ZNF385D: variants seen among roughly 807,000 people sequenced by gnomAD.
ZNF385D encodes zinc finger protein 385D.
In ZNF385D, 15 loss-of-function variants were observed where a neutral mutation model predicts 35.8. The observed-to-expected ratio is 0.42, with a 90% CI of 0.28 to 0.64. The LOEUF (loss-of-function observed/expected upper bound fraction) is 0.64, where lower values mean the gene tolerates loss of function less well. Among genes scored for constraint, ZNF385D ranks in the 30% least tolerant of loss-of-function variants. The pLI, the probability that ZNF385D is intolerant of heterozygous loss-of-function variation, is 0.23. For synonymous variants in ZNF385D, 212 were observed against 186.8 expected (o/e 1.13, Z -1.10); for missense variants, 474 against 494.6 (o/e 0.96, Z 0.39).
In ZNF385D at chr3:21,655,148, T is replaced by C. The variant is rs531361339; in HGVS notation, c.165+9738A>G. Reference sequence around the variant, plus strand: ...CAACAACAAAATGCTTATTAAGGCTTCAACACCAGAGATTCTGGTTCAATA... The same window carrying C: ...CAACAACAAAATGCTTATTAAGGCTCCAACACCAGAGATTCTGGTTCAATA... On this transcript the variant is annotated intron_variant, in intron 2 of 7. Coordinates refer to ENST00000281523, the MANE Select transcript of ZNF385D (RefSeq NM_024697.3). Among the ~76,000 whole-genome samples the C allele has an allele frequency of 9.9e-5, 15 of 152,102 alleles. No individual in the cohort carries two copies. The South Asian group carries it at 3.1e-3, about 32-fold the overall frequency.
At chr3:21,506,962 T>G (rs970247640) in intron 4 of ZNF385D, among the ~76,000 whole-genome samples, 1 of 151,318 alleles carries the variant, frequency 6.6e-6, no homozygotes, top group Non-Finnish European at 1.5e-5. Context: ...CTGGCATAAT[T>G]AGAGAAAAAG....
intron 2 of ZNF385D, among the ~76,000 whole-genome samples, chr3:22,242,766 T>C (rs989411705): frequency 6.6e-6 from 1 of 151,182 alleles, no homozygotes; most frequent in African/African-American, 2.4e-5. Context: ...ATACCAATTT[T>C]AATATTTTAG....
At chr3:21,600,881 AAT>A (rs1553621031) in intron 2 of ZNF385D, among the ~76,000 whole-genome samples, 1 of 54,266 alleles carries the variant, frequency 1.8e-5, no homozygotes, top group Non-Finnish European at 3.5e-5. Flanking sequence ...ATTTAAAAAT[AAT>A]AAGTCAAAGG....
chr3:22,204,243 C>T (rs1179790588), intron 2 of ZNF385D, among the ~76,000 whole-genome samples: 1 of 152,018 alleles, frequency 6.6e-6, no homozygotes, highest in Non-Finnish European at 1.5e-5. Context: ...CCAAGATCAC[C>T]AAGACAGTAC....
intron 2 of ZNF385D, among the ~76,000 whole-genome samples, chr3:21,656,638 T>C (rs2066079705): frequency 1.3e-5 from 2 of 151,818 alleles, no homozygotes; most frequent in South Asian, 4.2e-4. Context: ...ATATGAAAAT[T>C]TGAGGGACAC....
intron 2 of ZNF385D, among the ~76,000 whole-genome samples, chr3:21,569,683 T>C (rs1249546581): frequency 6.6e-6 from 1 of 151,858 alleles, no homozygotes; most frequent in East Asian, 1.9e-4. Context: ...TTTGGCATGA[T>C]TTTGCAGCGG....
intron 3 of ZNF385D, among the ~76,000 whole-genome samples, chr3:22,084,611 C>T (rs1461672069): frequency 6.6e-6 from 1 of 152,150 alleles, no homozygotes; most frequent in Non-Finnish European, 1.5e-5. Flanking sequence ...GAGACTTAGA[C>T]TCCCACAAAA....
At chr3:22,129,772 C>T (rs1703665078) in intron 3 of ZNF385D, among the ~76,000 whole-genome samples, 1 of 152,172 alleles carries the variant, frequency 6.6e-6, no homozygotes, top group Admixed American at 6.6e-5. Flanking sequence ...TCTCCAGGAG[C>T]TAAAGCCTGG....
chr3:22,132,720 A>G lies in ZNF385D; in HGVS notation c.325+36097T>C, dbSNP rs916753793. 1.1e-4 allele frequency among the ~76,000 whole-genome samples: 16 copies of G among 152,140 alleles called. 1 individual carries two copies. Among genetic ancestry groups the G allele is most frequent in the Non-Finnish European group, 2.2e-4 (15 of 67,998 alleles). On this transcript the variant is annotated intron_variant, in intron 3 of 5. Transcript: ENST00000494108. ...CAGATTGTTTAAAGATCTAGTGCAT[A>G]AGAGATAGTAATATTATAAATACTT...
intron 4 of ZNF385D, among the ~76,000 whole-genome samples, chr3:21,466,714 G>T (rs992444604): frequency 6.6e-6 from 1 of 152,112 alleles, no homozygotes; most frequent in Admixed American, 6.5e-5. Flanking sequence ...TAAAAAAAAT[G>T]AAAAGCTAGT....
At chr3:21,956,316 T>C (rs1267138333) in intron 3 of ZNF385D, among the ~76,000 whole-genome samples, 8 of 152,072 alleles carry the variant, frequency 5.3e-5, no homozygotes, top group Non-Finnish European at 1.0e-4. Context: ...CCACCTGCTG[T>C]ATAGGGGCTT....
Position 22,215,369 on chromosome 3 carries a change from G to A in ZNF385D, c.107-46334C>T, listed in dbSNP as rs142076509. On this transcript the variant is annotated intron_variant, in intron 2 of 5. Transcript: ENST00000494108. ...TTCAAAAGCAAATAGGAGAAATATCGCTGAATTCTTTTTCTCAGCAAGGAA... is the reference window on the plus strand; with the variant it reads ...TTCAAAAGCAAATAGGAGAAATATCACTGAATTCTTTTTCTCAGCAAGGAA... 7.1e-3 allele frequency among the ~76,000 whole-genome samples: 1,081 copies of A among 152,066 alleles called. 13 individuals are homozygous for A. Among genetic ancestry groups the A allele is most frequent in the African/African-American group, 0.024 (1,001 of 41,498 alleles).
Position 21,437,099 on chromosome 3 carries a change from T to C in ZNF385D, c.544A>G (p.Thr182Ala), listed in dbSNP as rs1186323691. ...EITSKVEKSP[T>A]TATGNSSCPS... is the part of the protein sequence containing the mutation. ...CATGAGCTATTGCCAGTGGCTGTCGTTGGGCTTTTTTCCACTTTAGAGGTG... is the reference window on the plus strand; with the variant it reads ...CATGAGCTATTGCCAGTGGCTGTCGCTGGGCTTTTTTCCACTTTAGAGGTG... The change falls in exon 5 of 8, where the codon ACG becomes GCG. Residue 182 changes from threonine (T) to alanine (A), a missense_variant. Thr to Ala is a moderately conservative substitution (Grantham distance 58). Transcript: ENST00000281523. 5 of 1,613,988 alleles carry C rather than the reference T, an allele frequency of 3.1e-6. No individual in the cohort carries two copies. Among genetic ancestry groups the C allele is most frequent in the South Asian group, 1.1e-5 (1 of 91,084 alleles).
intron 1 of ZNF385D, among the ~76,000 whole-genome samples, chr3:21,713,603 G>T (rs148132174): frequency 3.3e-5 from 5 of 152,144 alleles, no homozygotes; most frequent in African/African-American, 1.2e-4. Flanking sequence ...CTTCTTGATG[G>T]TTATAGCACT....
intron 4 of ZNF385D, among the ~76,000 whole-genome samples, chr3:21,506,066 T>A (rs1706751177): frequency 6.6e-6 from 1 of 152,144 alleles, no homozygotes; most frequent in African/African-American, 2.4e-5. Flanking sequence ...AATTTGTAGG[T>A]CTAGTGATTG....
intron 3 of ZNF385D, among the ~76,000 whole-genome samples, chr3:22,084,464 A>G (rs558551783): frequency 6.6e-6 from 1 of 152,310 alleles, no homozygotes; most frequent in African/African-American, 2.4e-5. Context: ...ACCAACAAAG[A>G]TCAAAAGAGA....
intron 3 of ZNF385D, among the ~76,000 whole-genome samples, chr3:21,526,407 GT>G (rs1311938008): frequency 1.3e-4 from 20 of 152,056 alleles, no homozygotes; most frequent in East Asian, 7.7e-4. Context: ...TTGAAGACTA[GT>G]TTTGTTTATA....
intron 1 of ZNF385D, among the ~76,000 whole-genome samples, chr3:21,739,878 T>A (rs2069426848): frequency 6.6e-6 from 1 of 152,216 alleles, no homozygotes; most frequent in Non-Finnish European, 1.5e-5. Context: ...GTGCTTTCCA[T>A]ATGCCATCTA....
At chr3:21,765,206 G>C (rs1215230066) in intron 3 of ZNF385D, among the ~76,000 whole-genome samples, 4 of 150,534 alleles carry the variant, frequency 2.7e-5, no homozygotes, top group African/African-American at 7.3e-5. Flanking sequence ...CATAAAATCT[G>C]TGTGTGTGTG....
Sources: gnomAD v4.1 joint callset for allele counts (sites outside exome capture counted in the v4.1 genomes callset) on GRCh38, gnomAD v4.1.1 for gene constraint, MANE v1.5 for transcripts, NCBI Gene and HGNC (gene_info 2026-07-23, HGNC 2026-07-21) for gene names.